The following NRG3 variants were observed in gnomAD, a reference collection of about 807,000 sequenced individuals.
The protein encoded by NRG3 is pro-neuregulin-3, membrane-bound isoform.
A neutral mutation model predicts 66.9 loss-of-function variants in NRG3; 31 were observed. The observed-to-expected ratio is 0.46, with a 90% confidence interval of 0.35 to 0.63. The LOEUF (loss-of-function observed/expected upper bound fraction) is 0.63. Among genes scored for constraint, NRG3 ranks in the 20% least tolerant of loss-of-function variants. NRG3 has a pLI of 0.00. For synonymous variants in NRG3, 393 were observed against 359.4 expected (o/e 1.09, Z -1.06); for missense variants, 910 against 878.9 (o/e 1.04, Z -0.45).
chr10:82,153,015 C>T (rs2070895021), intron 1 of NRG3, among the ~76,000 whole-genome samples: 1 of 151,792 alleles, frequency 6.6e-6, no homozygotes, highest in Non-Finnish European at 1.5e-5. Context: ...AAAGATTAAA[C>T]CAATTTAGTT....
chr10:82,048,309 C>T (rs1394625111), intron 1 of NRG3, among the ~76,000 whole-genome samples: 10 of 151,232 alleles, frequency 6.6e-5, no homozygotes, highest in Non-Finnish European at 3.0e-5. Flanking sequence ...TTTTTCAGCA[C>T]CACACCACAC....
chr10:82,036,011 G>C (rs1438257199), intron 1 of NRG3, among the ~76,000 whole-genome samples: 1 of 152,018 alleles, frequency 6.6e-6, no homozygotes, highest in African/African-American at 2.4e-5. Context: ...TTTCACATGT[G>C]TAAATAGCAA....
At chr10:82,731,900 G>A (rs2057927552) in intron 2 of NRG3, among the ~76,000 whole-genome samples, 1 of 152,102 alleles carries the variant, frequency 6.6e-6, no homozygotes, top group Non-Finnish European at 1.5e-5. Flanking sequence ...GCAGTGCACA[G>A]GAGGAATAAT....
At chr10:82,607,061 C>T (rs534007278) in intron 2 of NRG3, among the ~76,000 whole-genome samples, 120 of 152,250 alleles carry the variant, frequency 7.9e-4, no homozygotes, top group African/African-American at 2.6e-3. Flanking sequence ...AATTATTAAA[C>T]GCTTTCTCTG....
chr10:81,875,249 C>G lies in NRG3; in HGVS notation c.-92C>G. The G allele has an allele frequency of 2.4e-6, 2 of 835,804 alleles. No individual in the cohort carries two copies. The highest frequency in any genetic ancestry group is 2.9e-6 in the Non-Finnish European group (2 of 696,376). 51.8% of individuals were successfully genotyped at this position (835,804 alleles called of 1,614,324 possible). ...CTGCGCCCGAGCCCGCCGCCGCCGCCGGAGCCCGCGCCCGCGCCCGCGCCC... is the reference window on the plus strand; with the variant it reads ...CTGCGCCCGAGCCCGCCGCCGCCGCGGGAGCCCGCGCCCGCGCCCGCGCCC... On this transcript the variant is annotated 5_prime_UTR_variant, in exon 1 of 9. Coordinates refer to ENST00000372141, the MANE Select transcript of NRG3 (RefSeq NM_001010848.4). This position sits in a 1 kb window ranked among gnomAD's most constrained non-coding sequence, Gnocchi z 5.3.
chr10:82,279,516 C>G (rs2079026058), intron 1 of NRG3, among the ~76,000 whole-genome samples: 1 of 152,096 alleles, frequency 6.6e-6, no homozygotes, highest in South Asian at 2.1e-4. Flanking sequence ...GACTGAAAAC[C>G]TTTTATACTT....
At chr10:82,048,034 A>G (rs940287774) in intron 1 of NRG3, among the ~76,000 whole-genome samples, 2 of 150,746 alleles carry the variant, frequency 1.3e-5, no homozygotes, top group Non-Finnish European at 3.0e-5. Context: ...GGATCAATTA[A>G]ACAAGAAGAG....
intron 2 of NRG3, among the ~76,000 whole-genome samples, chr10:82,403,779 C>T (rs1166729820): frequency 6.6e-6 from 1 of 152,032 alleles, no homozygotes; most frequent in East Asian, 1.9e-4. Context: ...ATGAACTCTC[C>T]TTTATCAGAC....
intron 1 of NRG3, among the ~76,000 whole-genome samples, chr10:82,267,529 C>T (rs960341250): frequency 3.3e-5 from 5 of 152,188 alleles, no homozygotes; most frequent in African/African-American, 1.2e-4. Flanking sequence ...AGGCAGCTTC[C>T]TTGTTTCTTC....
intron 3 of NRG3, among the ~76,000 whole-genome samples, chr10:82,857,447 C>T (rs1008572178): frequency 6.6e-6 from 1 of 152,072 alleles, no homozygotes; most frequent in African/African-American, 2.4e-5. Flanking sequence ...GTGAGGCTGA[C>T]CATGGTAATA....
At chr10:82,360,054 C>A (rs757283257) in intron 2 of NRG3, among the ~76,000 whole-genome samples, 1 of 152,194 alleles carries the variant, frequency 6.6e-6, no homozygotes, top group Non-Finnish European at 1.5e-5. Context: ...ACAAATAGAA[C>A]TGTGACCTTT....
In NRG3 at chr10:82,127,568, C is replaced by T. The variant is rs377072802; in HGVS notation, c.824-231171C>T. ...TATCACCAGAAGTGTGATACCAAAG[C>T]TTAGTTAATACTTTGGGCACAGATA... On this transcript the variant is annotated intron_variant, in intron 1 of 8. Transcript: ENST00000372141. Among the ~76,000 whole-genome samples, 8 of 152,114 alleles carry T rather than the reference C, an allele frequency of 5.3e-5. 1 individual carries two copies. Among genetic ancestry groups the T allele is most frequent in the African/African-American group, 1.9e-4 (8 of 41,534 alleles).
At chr10:82,680,505 A>C (rs987432147) in intron 2 of NRG3, among the ~76,000 whole-genome samples, 15 of 152,232 alleles carry the variant, frequency 9.9e-5, no homozygotes, top group African/African-American at 3.6e-4. Context: ...CTAAAATGCT[A>C]ATAAAATAGT....
At chr10:82,689,373 T>C (rs1354404368) in intron 2 of NRG3, among the ~76,000 whole-genome samples, 1 of 152,158 alleles carries the variant, frequency 6.6e-6, no homozygotes, top group East Asian at 1.9e-4. Context: ...ACTAGTAGAA[T>C]AAATTCAGTT....
At chr10:81,929,699 C>T (rs920452395) in intron 1 of NRG3, among the ~76,000 whole-genome samples, 1 of 152,190 alleles carries the variant, frequency 6.6e-6, no homozygotes, top group Admixed American at 6.5e-5. Context: ...AACTCTTTCA[C>T]TCTCATTGCA....
chr10:81,974,239 G>C (rs575140933), intron 1 of NRG3, among the ~76,000 whole-genome samples: 12 of 152,062 alleles, frequency 7.9e-5, no homozygotes, highest in African/African-American at 2.7e-4. Flanking sequence ...CTTATTTCTG[G>C]CTTCTCTATT....
intron 1 of NRG3, among the ~76,000 whole-genome samples, chr10:81,893,776 G>A (rs1335450739): frequency 1.3e-5 from 2 of 152,178 alleles, no homozygotes; most frequent in Non-Finnish European, 2.9e-5. Flanking sequence ...AGGCTAGTGA[G>A]CCTGTTCTGT....
At chr10:82,044,326 C>T (rs947378491) in intron 1 of NRG3, among the ~76,000 whole-genome samples, 7 of 151,954 alleles carry the variant, frequency 4.6e-5, no homozygotes, top group South Asian at 2.1e-4. Context: ...AGCACCTAAC[C>T]GTGGACAGGA....
chr10:82,720,724 C>T (rs1022828494), intron 2 of NRG3, among the ~76,000 whole-genome samples: 2 of 150,636 alleles, frequency 1.3e-5, no homozygotes, highest in African/African-American at 4.9e-5. Flanking sequence ...TTCATCTATT[C>T]CTCAGCAAGA....
Sources: gnomAD v4.1 joint callset for allele counts (sites outside exome capture counted in the v4.1 genomes callset) on GRCh38, gnomAD v4.1.1 for gene constraint, Gnocchi (gnomAD v3.1) non-coding constraint, MANE v1.5 for transcripts, NCBI Gene and HGNC (gene_info 2026-07-23, HGNC 2026-07-21) for gene names.